Variants in SPAG17 observed in about 807,000 individuals in gnomAD.
The protein encoded by SPAG17 is sperm associated antigen 17.
In SPAG17, 169 loss-of-function variants were observed where a neutral mutation model predicts 273.6. The ratio of observed to expected loss-of-function variants is 0.62; its 90% CI spans 0.55 to 0.70. The LOEUF (loss-of-function observed/expected upper bound fraction) is 0.70, where lower values mean the gene tolerates loss of function less well. Ranked by LOEUF, SPAG17 falls within the 30% of genes least tolerant of loss-of-function variation. The pLI is 0.00. For synonymous variants in SPAG17, 825 were observed against 873.2 expected (o/e 0.94, Z 0.97); for missense variants, 2,557 against 2,627.8 (o/e 0.97, Z 0.59).
At chr1:118,155,181 C>T (rs920182648) in intron 1 of SPAG17, among the ~76,000 whole-genome samples, 4 of 152,118 alleles carry the variant, frequency 2.6e-5, no homozygotes, top group African/African-American at 9.7e-5. Flanking sequence ...TTACCAGTCT[C>T]ACCTAATTTG....
Position 118,008,216 on chromosome 1 carries a change from G to A in SPAG17, c.4433-18C>T. ...ACCCTCGGCTACAAGCAAATGCAAGGTAAGCAGATCTGATAGGATGTAGAC... is the reference window on the plus strand; with the variant it reads ...ACCCTCGGCTACAAGCAAATGCAAGATAAGCAGATCTGATAGGATGTAGAC... On this transcript the variant is annotated intron_variant, in intron 30 of 48. Coordinates refer to ENST00000336338, the MANE Select transcript of SPAG17 (RefSeq NM_206996.4). 3.7e-6 allele frequency: 6 copies of A among 1,612,986 alleles called. No homozygotes were observed. The highest frequency in any genetic ancestry group is 5.1e-6 in the Non-Finnish European group (6 of 1,179,648).
chr1:117,996,666 G>T lies in SPAG17; in HGVS notation c.4854C>A (p.Gly1618=), dbSNP rs2101680445. The T allele has an allele frequency of 6.2e-7, 1 of 1,612,812 alleles. No individual in the cohort carries two copies. The highest frequency in any genetic ancestry group is 8.5e-7 in the Non-Finnish European group (1 of 1,179,354). Residue 1618 remains glycine, a synonymous_variant, in exon 33 of 49, where the codon GGC becomes GGA. Transcript: ENST00000336338. ...LEDDLNEKTE[G]YDSLSSMHLE... ...GGTGCATAGAGGACAGACTATCATA[G>T]CCCTCAGTTTTCTCATTTAAATCAT...
chr1:118,075,973 G>C (rs1413066236), intron 15 of SPAG17, among the ~76,000 whole-genome samples: 1 of 151,688 alleles, frequency 6.6e-6, no homozygotes, highest in Non-Finnish European at 1.5e-5. Flanking sequence ...CTTGTTTATG[G>C]TCTGTCTCTC....
At chr1:118,100,406 T>G (rs1018969817) in intron 5 of SPAG17, among the ~76,000 whole-genome samples, 3 of 152,336 alleles carry the variant, frequency 2.0e-5, no homozygotes, top group South Asian at 4.1e-4. Context: ...TATACTATTT[T>G]ATTAATATTA....
chr1:118,143,055 G>A (rs1658768169), intron 3 of SPAG17, among the ~76,000 whole-genome samples: 1 of 152,088 alleles, frequency 6.6e-6, no homozygotes, highest in Non-Finnish European at 1.5e-5. Context: ...AAACCCTGTT[G>A]ACCCAAACAT....
chr1:118,094,029 T>A (rs1483146325), intron 7 of SPAG17, among the ~76,000 whole-genome samples: 1 of 152,110 alleles, frequency 6.6e-6, no homozygotes, highest in African/African-American at 2.4e-5. Context: ...CAAAGAAGAA[T>A]GAAATAGGCT....
At chr1:118,001,394 G>A (rs1022385073) in intron 32 of SPAG17, among the ~76,000 whole-genome samples, 1 of 152,178 alleles carries the variant, frequency 6.6e-6, no homozygotes, top group African/African-American at 2.4e-5. Context: ...CAGAAGGAAT[G>A]GTACCAGGTC....
chr1:117,954,803 T>C (rs1463224728), intron 48 of SPAG17, among the ~76,000 whole-genome samples: 1 of 152,126 alleles, frequency 6.6e-6, no homozygotes, highest in African/African-American at 2.4e-5. Context: ...AGGACCACTT[T>C]AGTGTGACTT....
intron 3 of SPAG17, among the ~76,000 whole-genome samples, chr1:118,135,830 T>G (rs1658326174): frequency 6.6e-6 from 1 of 152,188 alleles, no homozygotes; most frequent in African/African-American, 2.4e-5. Flanking sequence ...CAGGTCTCGC[T>G]CTTTAGTTTA....
At chr1:118,145,629 C>T (rs1030191629) in intron 3 of SPAG17, among the ~76,000 whole-genome samples, 6 of 151,128 alleles carry the variant, frequency 4.0e-5, no homozygotes, top group East Asian at 3.9e-4. Context: ...TAGAAAGGCC[C>T]GTAGAAATAT....
chr1:117,985,058 G>A (rs975998314), intron 40 of SPAG17, among the ~76,000 whole-genome samples: 1 of 152,100 alleles, frequency 6.6e-6, no homozygotes, highest in African/African-American at 2.4e-5. Context: ...GATCTCAAAA[G>A]GCTAAAAACC....
At position 118,099,621 on chromosome 1, in the gene SPAG17, G is replaced by A. The variant is rs755510464; in HGVS notation, c.814C>T (p.Leu272Phe). 1 of 1,614,034 alleles carries A rather than the reference G, an allele frequency of 6.2e-7. No homozygotes were observed. The highest frequency in any genetic ancestry group is 2.2e-5 in the East Asian group (1 of 44,880). The change falls in exon 6 of 49, where the codon CTT becomes TTT. Residue 272 changes from leucine (L) to phenylalanine (F), a missense_variant. By Grantham distance (22) the Leu-to-Phe change is conservative. Coordinates refer to ENST00000336338, the MANE Select transcript of SPAG17 (RefSeq NM_206996.4). The part of the protein sequence containing the change: ...LAAVNQQQEV[L>F]LQSEDLEAEK... ...GACTGCATACCTTCTGACTGAAGAAGAACTTCCTGCTGCTGGTTAACTGCT... is the reference window on the plus strand; with the variant it reads ...GACTGCATACCTTCTGACTGAAGAAAAACTTCCTGCTGCTGGTTAACTGCT...
intron 3 of SPAG17, among the ~76,000 whole-genome samples, chr1:118,137,277 G>C (rs925510973): frequency 6.6e-6 from 1 of 152,206 alleles, no homozygotes; most frequent in Non-Finnish European, 1.5e-5. Flanking sequence ...TGATTCATTT[G>C]ATAATGAGGA....
chr1:118,085,830 A>C, intron 13 of SPAG17, 92 bp downstream of exon 13: 2 of 1,301,016 alleles, frequency 1.5e-6, no homozygotes, highest in Non-Finnish European at 2.1e-6. Context: ...TCAATAATGA[A>C]AATACTTTTT....
intron 18 of SPAG17, 32 bp downstream of exon 18, chr1:118,066,713 A>T (rs749742915): frequency 9.4e-6 from 15 of 1,589,076 alleles, no homozygotes; most frequent in Non-Finnish European, 1.2e-5. Context: ...AAACCCAACT[A>T]ACTAATTAAC....
chr1:118,020,252 C>G (rs747992539), intron 28 of SPAG17, among the ~76,000 whole-genome samples: 31 of 152,072 alleles, frequency 2.0e-4, no homozygotes, highest in South Asian at 4.2e-4. Context: ...AACCCTGTCT[C>G]TACTAAAAAT....
At chr1:118,165,627 TA>T (rs1271230468) in intron 1 of SPAG17, among the ~76,000 whole-genome samples, 1,518 of 133,710 alleles carry the variant, frequency 0.011, 27 homozygotes, top group African/African-American at 0.035. Flanking sequence ...AAGTGTAAAT[TA>T]AAAAAAAAAA....
At chr1:118,077,508 G>T (rs1291624540) in intron 15 of SPAG17, among the ~76,000 whole-genome samples, 1 of 152,014 alleles carries the variant, frequency 6.6e-6, no homozygotes, top group African/African-American at 2.4e-5. Flanking sequence ...GGCAAAAGTT[G>T]CCTAAGGAAA....
chr1:118,182,992 T>C (rs1382156238), intron 1 of SPAG17, among the ~76,000 whole-genome samples: 1 of 152,206 alleles, frequency 6.6e-6, no homozygotes, highest in Non-Finnish European at 1.5e-5. Flanking sequence ...CCTGAGACAG[T>C]GATACAAGGT....
Sources: allele counts gnomAD v4.1 joint callset (sites outside exome capture counted in the v4.1 genomes callset), GRCh38; gene constraint gnomAD v4.1.1; transcripts MANE v1.5; gene names NCBI Gene and HGNC (gene_info 2026-07-23, HGNC 2026-07-21).